Variants in LRMDA observed in about 807,000 individuals in gnomAD.
LRMDA encodes leucine rich melanocyte differentiation associated, also known as leucine-rich melanocyte differentiation-associated protein.
LRMDA carries 18 observed loss-of-function variants against 29.8 expected under a neutral mutation model. The ratio of observed to expected loss-of-function variants is 0.60; its 90% CI spans 0.42 to 0.90. The LOEUF is 0.90. Among genes scored for constraint, LRMDA ranks in the 40% least tolerant of loss-of-function variants. LRMDA has a pLI of 0.00. For missense variants in LRMDA, 273 were observed against 273.9 expected, an observed-to-expected ratio of 1.00 and a Z score of 0.02; for synonymous variants, 125 against 109.4, an observed-to-expected ratio of 1.14 and a Z score of -0.89.
At chr10:75,744,490 AT>A (rs1293758909) in intron 2 of LRMDA, among the ~76,000 whole-genome samples, 1 of 152,174 alleles carries the variant, frequency 6.6e-6, no homozygotes, top group Admixed American at 6.5e-5. Context: ...AGTGAACCAC[AT>A]GTTGCTTCTA....
intron 6 of LRMDA, among the ~76,000 whole-genome samples, chr10:76,426,174 CCA>C (rs1842124203): frequency 6.6e-6 from 1 of 152,186 alleles, no homozygotes; most frequent in Non-Finnish European, 1.5e-5. Flanking sequence ...TGCAGAATCA[CCA>C]CACTGACTTC....
chr10:75,886,628 GT>G (rs1845394098), intron 2 of LRMDA, among the ~76,000 whole-genome samples: 1 of 152,162 alleles, frequency 6.6e-6, no homozygotes, highest in African/African-American at 2.4e-5. Flanking sequence ...GTGTGACAGT[GT>G]TTTTCTCTAT....
At chr10:76,131,682 A>G (rs1300282600) in intron 5 of LRMDA, among the ~76,000 whole-genome samples, 4 of 151,308 alleles carry the variant, frequency 2.6e-5, no homozygotes, top group Non-Finnish European at 5.9e-5. Flanking sequence ...TTTAAAGAAA[A>G]ACCTTTGTTT....
intron 6 of LRMDA, among the ~76,000 whole-genome samples, chr10:76,353,529 G>A (rs1006308265): frequency 6.6e-6 from 1 of 152,210 alleles, no homozygotes; most frequent in Admixed American, 6.5e-5. Flanking sequence ...TGACACGTTC[G>A]AAGCTCCGCA....
At chr10:76,486,875 A>G (rs1181645229) in intron 6 of LRMDA, among the ~76,000 whole-genome samples, 1 of 151,822 alleles carries the variant, frequency 6.6e-6, no homozygotes, top group Non-Finnish European at 1.5e-5. Flanking sequence ...GAGGTCTAGA[A>G]GGGAAAAGAA....
At chr10:75,717,613 G>A (rs931887885) in intron 2 of LRMDA, among the ~76,000 whole-genome samples, 6 of 152,176 alleles carry the variant, frequency 3.9e-5, no homozygotes, top group African/African-American at 7.2e-5. Context: ...AGGGTGATGA[G>A]TGGCTGTAGA....
intron 2 of LRMDA, among the ~76,000 whole-genome samples, chr10:75,569,126 C>T (rs1840406883): frequency 1.3e-5 from 2 of 152,128 alleles, no homozygotes; most frequent in South Asian, 4.2e-4. Context: ...CTGGCATATG[C>T]CCACAACTCC....
chr10:75,557,781 C>T (rs1433783580), intron 2 of LRMDA, among the ~76,000 whole-genome samples: 3 of 152,170 alleles, frequency 2.0e-5, no homozygotes, highest in African/African-American at 7.2e-5. Flanking sequence ...TTTCGCTAAG[C>T]TCTTTTCCTC....
intron 6 of LRMDA, among the ~76,000 whole-genome samples, chr10:76,364,865 C>G (rs535878401): frequency 2.6e-5 from 4 of 151,552 alleles, no homozygotes; most frequent in East Asian, 3.9e-4. Flanking sequence ...ATCCTTCCCC[C>G]CAAGTCCCCA....
At chr10:76,363,174 A>AAAGG (rs1433901845) in intron 6 of LRMDA, among the ~76,000 whole-genome samples, 18 of 18,340 alleles carry the variant, frequency 9.8e-4, no homozygotes, top group East Asian at 2.2e-3. Flanking sequence ...AGAAAGAAAG[A>AAAGG]AAGGAGGGAG....
At chr10:75,508,649 C>G (rs1325124916) in intron 2 of LRMDA, among the ~76,000 whole-genome samples, 2 of 152,202 alleles carry the variant, frequency 1.3e-5, no homozygotes, top group East Asian at 3.9e-4. Flanking sequence ...CTGTTCTCCT[C>G]TGTGCTTTAG....
chr10:75,854,286 T>A (rs1331945407), intron 2 of LRMDA, among the ~76,000 whole-genome samples: 1 of 152,140 alleles, frequency 6.6e-6, no homozygotes, highest in Non-Finnish European at 1.5e-5. Flanking sequence ...TAGAACATCC[T>A]TCTTTGCTTG....
At chr10:76,132,351 A>G (rs1850007990) in intron 5 of LRMDA, among the ~76,000 whole-genome samples, 1 of 152,158 alleles carries the variant, frequency 6.6e-6, no homozygotes, top group Non-Finnish European at 1.5e-5. Flanking sequence ...CCTGGCTATT[A>G]GGATCGAGTC....
At chr10:75,835,830 T>C (rs190293654) in intron 2 of LRMDA, among the ~76,000 whole-genome samples, 2 of 152,330 alleles carry the variant, frequency 1.3e-5, no homozygotes, top group African/African-American at 4.8e-5. Flanking sequence ...AAATAAGAAA[T>C]GGTGAGTTTT....
chr10:76,108,307 C>T (rs944107182), intron 5 of LRMDA, among the ~76,000 whole-genome samples: 3 of 152,124 alleles, frequency 2.0e-5, no homozygotes, highest in African/African-American at 7.2e-5. Flanking sequence ...TAGGTGCCTC[C>T]ATGACCTGAC....
intron 2 of LRMDA, among the ~76,000 whole-genome samples, chr10:75,551,703 C>A (rs773972140): frequency 4.6e-5 from 7 of 151,978 alleles, no homozygotes. Flanking sequence ...ATGGTGTATA[C>A]GTGCCACATT....
At chr10:76,483,398 G>C (rs1299459336) in intron 6 of LRMDA, among the ~76,000 whole-genome samples, 1 of 151,888 alleles carries the variant, frequency 6.6e-6, no homozygotes, top group Non-Finnish European at 1.5e-5. Flanking sequence ...TGCCAGGCAG[G>C]GCCCCATAGG....
intron 2 of LRMDA, among the ~76,000 whole-genome samples, chr10:75,609,568 T>C (rs1247190636): frequency 1.3e-5 from 2 of 152,198 alleles, no homozygotes; most frequent in Non-Finnish European, 2.9e-5. Flanking sequence ...ATTAAGTTGA[T>C]GTAAGCATTT....
intron 2 of LRMDA, among the ~76,000 whole-genome samples, chr10:75,959,762 T>A (rs1279482251): frequency 6.6e-6 from 1 of 152,180 alleles, no homozygotes; most frequent in Non-Finnish European, 1.5e-5. Context: ...ACTAATATCA[T>A]CCAACTGGCA....
Sources: allele counts gnomAD v4.1 joint callset (sites outside exome capture counted in the v4.1 genomes callset), GRCh38; gene constraint gnomAD v4.1.1; transcripts MANE v1.5; gene names NCBI Gene and HGNC (gene_info 2026-07-23, HGNC 2026-07-21).